Variants in ZNRF1 observed in about 807,000 individuals in gnomAD.
ZNRF1 encodes E3 ubiquitin-protein ligase ZNRF1.
ZNRF1 carries 3 observed loss-of-function variants against 18.4 expected under a neutral mutation model. That is an observed-to-expected ratio of 0.16 (90% CI 0.07 to 0.42). ZNRF1 has a LOEUF of 0.42. Ranked by LOEUF, ZNRF1 falls within the 10% of genes least tolerant of loss-of-function variation. ZNRF1 has a pLI of 0.99. For missense variants in ZNRF1, 310 were observed against 329.8 expected (o/e 0.94, Z 0.47); for synonymous variants, 157 against 144.2 (o/e 1.09, Z -0.64).
At chr16:75,066,721 C>G (rs1254353088) in intron 1 of ZNRF1, among the ~76,000 whole-genome samples, 1 of 152,048 alleles carries the variant, frequency 6.6e-6, no homozygotes, top group Non-Finnish European at 1.5e-5. Flanking sequence ...CCAGGCTGGT[C>G]TCGAACTCCC....
At chr16:75,095,360 G>A (rs1302472624) in intron 2 of ZNRF1, among the ~76,000 whole-genome samples, 2 of 152,002 alleles carry the variant, frequency 1.3e-5, no homozygotes, top group Non-Finnish European at 2.9e-5. Context: ...TGCAGGCTTC[G>A]CGTCAGTCCT....
chr16:74,999,816 C>G lies in ZNRF1; in HGVS notation c.145C>G (p.Arg49Gly). 6.9e-7 allele frequency: 1 copy of G among 1,448,784 alleles called. No individual in the cohort carries two copies. The highest frequency in any genetic ancestry group is 9.0e-7 in the Non-Finnish European group (1 of 1,106,104). The allele number at this position is 1,448,784 out of a possible 1,614,324, so 89.7% of individuals were successfully genotyped here. Residue 49 changes from arginine (R) to glycine (G), a missense_variant, in exon 1 of 5, where the codon CGC (arginine) becomes GGC (glycine). Arg to Gly is a moderately radical substitution (Grantham distance 125, BLOSUM62 -2). Transcript: ENST00000335325. ...CGGCGGGGCCATGGGGCTGCGCAGC[C>G]GCTCGGTCAGCTCGGTGGCAGGCAT... ...TGGGAMGLRS[R>G]SVSSVAGMGM...
chr16:75,004,562 T>C (rs1470416730), intron 1 of ZNRF1, among the ~76,000 whole-genome samples: 1 of 152,240 alleles, frequency 6.6e-6, no homozygotes, highest in Non-Finnish European at 1.5e-5. Flanking sequence ...CTGTTCTTTA[T>C]TGTCATCAAG....
intron 1 of ZNRF1, among the ~76,000 whole-genome samples, chr16:75,041,978 A>C (rs377506011): frequency 6.6e-6 from 1 of 152,258 alleles, no homozygotes; most frequent in East Asian, 1.9e-4. Context: ...CCTGGGCAAC[A>C]AGAGCAAAAC....
chr16:75,019,715 T>G (rs963608243), intron 1 of ZNRF1, among the ~76,000 whole-genome samples: 4 of 151,696 alleles, frequency 2.6e-5, no homozygotes, highest in African/African-American at 9.7e-5. Context: ...TTTGTTTTGT[T>G]CTGTTTTGTT....
intron 1 of ZNRF1, among the ~76,000 whole-genome samples, chr16:75,064,873 C>G (rs142387943): frequency 6.6e-6 from 1 of 152,310 alleles, no homozygotes; most frequent in Non-Finnish European, 1.5e-5. Flanking sequence ...ACTGCTGGGC[C>G]CTGCCACAGC....
chr16:75,080,053 T>G (rs2035990754), intron 1 of ZNRF1, among the ~76,000 whole-genome samples: 1 of 152,164 alleles, frequency 6.6e-6, no homozygotes, highest in Non-Finnish European at 1.5e-5. Flanking sequence ...GTAGCTGGGA[T>G]TATAGGCACC....
chr16:75,031,616 C>T (rs1335818416), intron 1 of ZNRF1, among the ~76,000 whole-genome samples: 1 of 152,032 alleles, frequency 6.6e-6, no homozygotes, highest in African/African-American at 2.4e-5. Flanking sequence ...GAGTGATCCT[C>T]CCACCTCAGC....
In ZNRF1 at chr16:75,029,136, A is replaced by AT. The variant is rs1555510435; in HGVS notation, c.424+29045dup. On this transcript the variant is annotated intron_variant, in intron 1 of 4. Coordinates refer to ENST00000335325, the MANE Select transcript of ZNRF1 (RefSeq NM_032268.5). ...GCAGTCTTGACTTTTTTATTATTTT[A>AT]TTTTATTTTTATTTTTATTTTTATT... Among the ~76,000 whole-genome samples the AT allele has an allele frequency of 7.3e-5, 9 of 123,128 alleles. No individual in the cohort carries two copies. The South Asian group carries it at 1.3e-3, about 17-fold the overall frequency. The allele number at this position is 123,128 out of a possible 152,430, so 80.8% of individuals were successfully genotyped here.
At chr16:75,073,719 A>G (rs1304086143) in intron 1 of ZNRF1, among the ~76,000 whole-genome samples, 1 of 152,072 alleles carries the variant, frequency 6.6e-6, no homozygotes, top group Admixed American at 6.6e-5. Flanking sequence ...TTCATCATGT[A>G]CATGCTCTGC....
chr16:75,089,428 A>G (rs1398900896), intron 1 of ZNRF1, among the ~76,000 whole-genome samples: 2 of 152,180 alleles, frequency 1.3e-5, no homozygotes, highest in African/African-American at 2.4e-5. Flanking sequence ...TTCTTGAGCT[A>G]TGCCAAAATA....
chr16:75,043,849 A>G lies in ZNRF1; in HGVS notation c.424+43754A>G, dbSNP rs910469717. On this transcript the variant is annotated intron_variant, in intron 1 of 4. Transcript: ENST00000335325. ...TTGTTGCCCAGGCTGGAGGGTAATG[A>G]TGCGATCTCTGCTCACTGCAACCTC... 3.3e-5 allele frequency among the ~76,000 whole-genome samples: 4 copies of G among 122,706 alleles called. No homozygotes were observed. The South Asian group carries it at 1.2e-3, about 35-fold the overall frequency. The allele number at this position is 122,706 out of a possible 152,430, so 80.5% of individuals were successfully genotyped here.
At chr16:75,071,326 C>G (rs374641643) in intron 1 of ZNRF1, among the ~76,000 whole-genome samples, 2 of 152,164 alleles carry the variant, frequency 1.3e-5, no homozygotes, top group African/African-American at 4.8e-5. Flanking sequence ...TCTCGAACTC[C>G]TGACCTCAAG....
chr16:75,071,009 G>C (rs748927554), intron 1 of ZNRF1, among the ~76,000 whole-genome samples: 5 of 152,056 alleles, frequency 3.3e-5, no homozygotes, highest in Non-Finnish European at 5.9e-5. Context: ...ATGTGGGTCA[G>C]GTATTGTATT....
chr16:75,066,590 C>A (rs906524093), intron 1 of ZNRF1, among the ~76,000 whole-genome samples: 1 of 152,198 alleles, frequency 6.6e-6, no homozygotes, highest in African/African-American at 2.4e-5. Flanking sequence ...GCAACCTCCA[C>A]TTTCCGGGTT....
intron 1 of ZNRF1, among the ~76,000 whole-genome samples, chr16:75,022,780 G>T (rs115348760): frequency 6.6e-6 from 1 of 152,122 alleles, no homozygotes; most frequent in Non-Finnish European, 1.5e-5. Flanking sequence ...AAACTCTTCC[G>T]TAGTGCTCTT....
chr16:75,028,459 A>G (rs1270698861), intron 1 of ZNRF1, among the ~76,000 whole-genome samples: 1 of 151,978 alleles, frequency 6.6e-6, no homozygotes, highest in Non-Finnish European at 1.5e-5. Context: ...ACACCTGGCT[A>G]ATTTTTTGTG....
intron 2 of ZNRF1, among the ~76,000 whole-genome samples, chr16:75,094,115 G>A (rs1056298262): frequency 6.6e-6 from 1 of 152,202 alleles, no homozygotes; most frequent in Non-Finnish European, 1.5e-5. Context: ...ATAGAGTGCT[G>A]GGAAGCTGGT....
At chr16:75,014,260 C>T (rs1457151636) in intron 1 of ZNRF1, among the ~76,000 whole-genome samples, 1 of 152,206 alleles carries the variant, frequency 6.6e-6, no homozygotes, top group Non-Finnish European at 1.5e-5. Context: ...TTCCCATTTT[C>T]TCTTTCCCTC....
Sources: allele counts gnomAD v4.1 joint callset (sites outside exome capture counted in the v4.1 genomes callset), GRCh38; gene constraint gnomAD v4.1.1; transcripts MANE v1.5; gene names NCBI Gene and HGNC (gene_info 2026-07-23, HGNC 2026-07-21).